Variants in PHF12 observed in about 807,000 individuals in gnomAD.
PHF12 encodes the protein PHD factor 1.
A neutral mutation model predicts 99.8 loss-of-function variants in PHF12; 6 were observed. The ratio of observed to expected loss-of-function variants is 0.06; its 90% CI spans 0.03 to 0.12. The LOEUF is 0.12. Among genes scored for constraint, PHF12 ranks in the 10% least tolerant of loss-of-function variants. The pLI, the probability that PHF12 is intolerant of heterozygous loss-of-function variation, is 1.00. For synonymous variants in PHF12, 480 were observed against 514.9 expected (o/e 0.93, Z 0.92); for missense variants, 954 against 1,300.1 (o/e 0.73, Z 4.09).
intron 2 of PHF12, among the ~76,000 whole-genome samples, chr17:28,948,769 G>A (rs2040758496): frequency 6.6e-6 from 1 of 152,070 alleles, no homozygotes; most frequent in Non-Finnish European, 1.5e-5. Flanking sequence ...TAAAAAGAGG[G>A]CTAAAAAAGG....
Position 28,950,565 on chromosome 17 carries a change from G to C in PHF12, c.67-319C>G. 1.9e-6 allele frequency: 1 copy of C among 517,752 alleles called. No homozygotes were observed. The highest frequency in any genetic ancestry group is 3.4e-6 in the Non-Finnish European group (1 of 293,334). The allele number at this position is 517,752 out of a possible 1,614,324, so 32.1% of individuals were successfully genotyped here. A position where few individuals can be genotyped will look rare whatever the true frequency, so the allele number is the denominator to read the frequency against. The stretch of plus-strand genomic sequence containing the variant: ...GGACTCCAAAGACCCGCTCGGGAGA[G>C]GCCCAAAGCCCGGTACCCGGACGTG... On this transcript the variant is annotated intron_variant, in intron 1 of 14. Coordinates refer to ENST00000332830, the MANE Select transcript of PHF12 (RefSeq NM_001033561.2). The surrounding 1 kb of genome is among the most constrained non-coding windows in gnomAD (Gnocchi z 5.7).
chr17:28,950,029 C>A lies in PHF12; in HGVS notation c.248+36G>T. ...GGTGAAGGAATGCGCAGAGAAGGGT[C>A]CGCCAAGAAGCTCCAAAAGGGTCCC... is the stretch of plus-strand genomic sequence containing the variant. On this transcript the variant is annotated intron_variant, in intron 2 of 14. Coordinates refer to ENST00000332830, the MANE Select transcript of PHF12 (RefSeq NM_001033561.2). This position sits in a 1 kb window ranked among gnomAD's most constrained non-coding sequence, Gnocchi z 5.7. 4 of 1,532,362 alleles carry A rather than the reference C, an allele frequency of 2.6e-6. No homozygotes were observed. The highest frequency in any genetic ancestry group is 3.5e-6 in the Non-Finnish European group (4 of 1,133,538). 94.9% of individuals were successfully genotyped at this position (1,532,362 alleles called of 1,614,324 possible).
intron 2 of PHF12, among the ~76,000 whole-genome samples, chr17:28,934,610 A>ATTTTTT (rs561144385): frequency 1.6e-5 from 2 of 126,514 alleles, no homozygotes; most frequent in African/African-American, 3.0e-5. Flanking sequence ...TTTCTTTTCT[A>ATTTTTT]TTTTTTTTTT....
chr17:28,948,696 C>T (rs960914327), intron 2 of PHF12, among the ~76,000 whole-genome samples: 9 of 152,144 alleles, frequency 5.9e-5, no homozygotes, highest in Admixed American at 2.0e-4. Context: ...CTCCACAAAC[C>T]GAGAGATGGA....
Position 28,907,625 on chromosome 17 carries a change from C to G in PHF12, c.2506G>C (p.Val836Leu). The G allele has an allele frequency of 6.2e-7, 1 of 1,613,974 alleles. No homozygotes were observed. The highest frequency in any genetic ancestry group is 1.6e-4 in the Middle Eastern group (1 of 6,062). Residue 836 changes from valine (V) to leucine (L), a missense_variant, in exon 13 of 15, where the codon GTG becomes CTG. Physicochemically the swap from Val to Leu is conservative, Grantham distance 32. Coordinates refer to ENST00000332830, the MANE Select transcript of PHF12 (RefSeq NM_001033561.2). ...AATATGCAGGCATGTTTCCCGGACA[C>G]GTAGTTACAGTGACCATAGTTTGTA... is the stretch of plus-strand genomic sequence containing the variant. The part of the protein sequence containing the change: ...CLTNYGHCNY[V>L]SGKHACIFYD...
chr17:28,910,510 C>G lies in PHF12; in HGVS notation c.2216-141G>C, dbSNP rs1386531191. On this transcript the variant is annotated intron_variant, in intron 10 of 14. Coordinates refer to ENST00000332830, the MANE Select transcript of PHF12 (RefSeq NM_001033561.2). ...TACTCAAACAGCATTGAGTGCAGAG[C>G]GTACAAGGATCTGCAGCTGGGCATC... The G allele has an allele frequency of 4.7e-6, 5 of 1,057,300 alleles. No individual in the cohort carries two copies. The Admixed American group carries it at 1.4e-4, about 29-fold the overall frequency. 65.5% of individuals were successfully genotyped at this position (1,057,300 alleles called of 1,614,324 possible). A position where few individuals can be genotyped will look rare whatever the true frequency, so the allele number is the denominator to read the frequency against.
rs575621864 is a variant in PHF12 at position 28,950,767 on chromosome 17, G to A, written c.66+128C>T. 8.6e-5 allele frequency: 117 copies of A among 1,356,020 alleles called. No homozygotes were observed. The highest frequency in any genetic ancestry group is 4.0e-4 in the African/African-American group (27 of 67,424). The allele number at this position is 1,356,020 out of a possible 1,614,324, so 84.0% of individuals were successfully genotyped here. ...TAAATTGCAAAGAGGGGAGGGAGAG[G>A]CTAGGTGAGGAAGAATCCCCCTCCC... is the stretch of plus-strand genomic sequence containing the variant. On this transcript the variant is annotated intron_variant, in intron 1 of 14. Transcript: ENST00000332830. This position sits in a 1 kb window ranked among gnomAD's most constrained non-coding sequence, Gnocchi z 5.7.
intron 7 of PHF12, among the ~76,000 whole-genome samples, chr17:28,915,004 C>T (rs2040037425): frequency 6.6e-6 from 1 of 152,162 alleles, no homozygotes; most frequent in Non-Finnish European, 1.5e-5. Flanking sequence ...GAGATAAACA[C>T]AGAAATATTA....
Position 28,951,438 on chromosome 17 carries a change from C to T in PHF12, c.-478G>A. 3 of 986,864 alleles carry T rather than the reference C, an allele frequency of 3.0e-6. No homozygotes were observed. Among genetic ancestry groups the T allele is most frequent in the Non-Finnish European group, 3.6e-6 (3 of 830,916 alleles). The allele number at this position is 986,864 out of a possible 1,614,324, so 61.1% of individuals were successfully genotyped here. On this transcript the variant is annotated 5_prime_UTR_variant, in exon 1 of 15. Coordinates refer to ENST00000332830, the MANE Select transcript of PHF12 (RefSeq NM_001033561.2). The stretch of plus-strand genomic sequence containing the variant: ...CTCGCCGCCGCCGCCGTCTGCGTCC[C>T]GGCTGCCGCGCACTTGGCGCAAACT...
In PHF12 at chr17:28,923,890, T is replaced by A; in HGVS notation, c.715+19A>T. ...GGGAAACTGGGGTTGGGAAGGGATA[T>A]GATGATGGTTTGGCTGACCTGGTAG... is the stretch of plus-strand genomic sequence containing the variant. On this transcript the variant is annotated intron_variant, in intron 4 of 14. Transcript: ENST00000332830. 1 of 1,592,640 alleles carries A rather than the reference T, an allele frequency of 6.3e-7. No individual in the cohort carries two copies. Among genetic ancestry groups the A allele is most frequent in the Non-Finnish European group, 8.6e-7 (1 of 1,169,510 alleles).
intron 5 of PHF12, among the ~76,000 whole-genome samples, chr17:28,921,020 C>A (rs182406806): frequency 6.6e-6 from 1 of 151,744 alleles, no homozygotes; most frequent in Non-Finnish European, 1.5e-5. Context: ...ATTACAGATG[C>A]CTGCCACCAT....
At chr17:28,919,584 C>G (rs573894491) in intron 5 of PHF12, among the ~76,000 whole-genome samples, 63 of 151,998 alleles carry the variant, frequency 4.1e-4, no homozygotes, top group Non-Finnish European at 7.8e-4. Flanking sequence ...ACTAAAAATA[C>G]AAAAAATTAG....
rs766291074 is a variant in PHF12, at chr17:28,906,207, C to G, written c.2991G>C (p.Val997=). 5.0e-6 allele frequency: 8 copies of G among 1,605,008 alleles called. No homozygotes were observed. Among genetic ancestry groups the G allele is most frequent in the Non-Finnish European group, 6.8e-6 (8 of 1,173,684 alleles). The change falls in exon 15 of 15, where the codon GTG becomes GTC. Residue 997 remains valine, a synonymous_variant. Transcript: ENST00000332830. This position sits in a 1 kb window ranked among gnomAD's most constrained non-coding sequence, Gnocchi z 4.2. ...KLSLKPHQGP[V]LRSNSVP is the part of the protein sequence containing the mutation. Reference sequence around the variant, plus strand: ...CCTAAGGAACAGAGTTGGAGCGCAGCACAGGGCCCTGGTGGGGCTTGAGAG... The same window carrying G: ...CCTAAGGAACAGAGTTGGAGCGCAGGACAGGGCCCTGGTGGGGCTTGAGAG...
In PHF12 at chr17:28,910,811, T is replaced by G. The variant is rs1673508875; in HGVS notation, c.2215+301A>C. ...TTTGGGAGTGAGGATCTTAGTTTTA[T>G]TCTGCAAATCCAGGTGATCTGCCTA... On this transcript the variant is annotated intron_variant, in intron 10 of 14. Transcript: ENST00000332830. 2.3e-5 allele frequency: 9 copies of G among 397,406 alleles called. 1 individual carries two copies. Among genetic ancestry groups the G allele is most frequent in the South Asian group, 1.9e-4 (6 of 31,724 alleles). 24.6% of individuals were successfully genotyped at this position (397,406 alleles called of 1,614,324 possible). A position where few individuals can be genotyped will look rare whatever the true frequency, so the allele number is the denominator to read the frequency against.
chr17:28,927,094 T>C, intron 2 of PHF12, 31 bp from the exon 3 acceptor site: 1 of 1,583,806 alleles, frequency 6.3e-7, no homozygotes, highest in South Asian at 1.1e-5. Flanking sequence ...CAAGACTAAA[T>C]AACTAGCCCT....
At position 28,951,017 on chromosome 17, in the gene PHF12, G is replaced by A. The variant is rs1427477062; in HGVS notation, c.-57C>T. 3 of 1,607,398 alleles carry A rather than the reference G, an allele frequency of 1.9e-6. No homozygotes were observed. The highest frequency in any genetic ancestry group is 4.5e-5 in the East Asian group (2 of 44,566). The stretch of plus-strand genomic sequence containing the variant: ...TCCGGCCCCCCCAACCCCGGGGGGA[G>A]GGGGGAGGTGAGGGGAGGGGGCGCT... On this transcript the variant is annotated 5_prime_UTR_variant, in exon 1 of 15. Coordinates refer to ENST00000332830, the MANE Select transcript of PHF12 (RefSeq NM_001033561.2).
At position 28,913,894 on chromosome 17, in the gene PHF12, T is replaced by C; in HGVS notation, c.1278A>G (p.Gln426=). 6.2e-7 allele frequency: 1 copy of C among 1,608,834 alleles called. No homozygotes were observed. The highest frequency in any genetic ancestry group is 8.5e-7 in the Non-Finnish European group (1 of 1,176,070). ...CTTCACTCACCTCTTGCTGCTCTGC[T>C]TGGGTGGCTAAGTGCTCAGAGTTCA... The part of the protein sequence containing the change: ...HLLNSEHLAT[Q]AEQQEWLCSV... Residue 426 remains glutamine (Q), a synonymous_variant, in exon 8 of 15, where the codon CAA becomes CAG. Transcript: ENST00000332830.
At chr17:28,910,125 T>G (rs1008990280) in intron 11 of PHF12, 101 bp downstream of exon 11, 1 of 1,541,152 alleles carries the variant, frequency 6.5e-7, no homozygotes, top group Non-Finnish European at 9.0e-7. Context: ...ACAAGGAGGT[T>G]TGAGATACTG....
Position 28,913,022 on chromosome 17 carries a change from G to C in PHF12, c.1549C>G (p.Leu517Val). The C allele has an allele frequency of 6.2e-7, 1 of 1,614,226 alleles. No homozygotes were observed. Among genetic ancestry groups the C allele is most frequent in the Non-Finnish European group, 8.5e-7 (1 of 1,180,038 alleles). ...SCSPPHQSPA[L>V]EDIGCSSCAE... ...CAAGAACTGCAGCCGATGTCCTCTA[G>C]GGCTGGGGACTGGTGGGGTGGAGAG... The change falls in exon 9 of 15, where the codon CTA (leucine) becomes GTA (valine). Residue 517 changes from leucine (L) to valine (V), a missense_variant. Leu to Val is a conservative substitution (Grantham distance 32). Around this residue, in one of 8 missense-constraint regions of PHF12, gnomAD observed 392 missense variants for 423.1 expected, o/e 0.93. Transcript: ENST00000332830.
Sources: allele counts gnomAD v4.1 joint callset (sites outside exome capture counted in the v4.1 genomes callset), GRCh38; gene constraint gnomAD v4.1.1; regional missense constraint gnomAD v4.1.1; non-coding constraint Gnocchi (gnomAD v3.1); transcripts MANE v1.5; gene names NCBI Gene and HGNC (gene_info 2026-07-23, HGNC 2026-07-21).